LDB3: variants seen among roughly 807,000 people sequenced by gnomAD.
The protein encoded by LDB3 is LIM domain-binding protein 3.
LDB3 carries 49 observed loss-of-function variants against 69.0 expected under a neutral mutation model. The observed-to-expected ratio is 0.71, with a 90% confidence interval of 0.56 to 0.90. The LOEUF (loss-of-function observed/expected upper bound fraction) is 0.90. LDB3 is among the 40% of genes least tolerant of loss of function. The pLI is 0.00. For missense variants in LDB3, 928 were observed against 974.1 expected (o/e 0.95, Z 0.63); for synonymous variants, 387 against 396.2 (o/e 0.98, Z 0.28).
intron 7 of LDB3, among the ~76,000 whole-genome samples, chr10:86,704,576 A>AG (rs1846374937): frequency 7.7e-6 from 1 of 130,416 alleles, no homozygotes; most frequent in African/African-American, 3.4e-5. Context: ...CGCCCAGCTA[A>AG]ATTTTTTTTT....
intron 9 of LDB3, among the ~76,000 whole-genome samples, chr10:86,714,668 GCCTCAGC>G (rs567759047): frequency 3.4e-4 from 51 of 149,658 alleles, no homozygotes; most frequent in Admixed American, 1.2e-3. Flanking sequence ...CCATTCTCCT[GCCTCAGC>G]CTCCTGAGTA....
upstream of LDB3, chr10:86,666,877 G>A: frequency 2.1e-6 from 1 of 469,866 alleles, no homozygotes; most frequent in South Asian, 1.5e-5. Context: ...CCCTGGCCCT[G>A]AGGGTGGGTG....
rs1847536844 is a variant in LDB3 at position 86,733,234 on chromosome 10, C to T, written c.*258C>T. 2.2e-6 allele frequency: 1 copy of T among 447,644 alleles called. No homozygotes were observed. Among genetic ancestry groups the T allele is most frequent in the Non-Finnish European group, 4.1e-6 (1 of 241,104 alleles). The allele number at this position is 447,644 out of a possible 1,614,324, so 27.7% of individuals were successfully genotyped here. On this transcript the variant is annotated 3_prime_UTR_variant, in exon 14 of 14. Coordinates refer to ENST00000361373, the MANE Select transcript of LDB3 (RefSeq NM_007078.3). ...GGAATTGTACTTCAGACATTTAGAG[C>T]AGAATTCCAAGAACTCAAAAGTGAA... is the stretch of plus-strand genomic sequence containing the variant.
chr10:86,687,319 A>T lies in LDB3; in HGVS notation c.690-4577A>T, dbSNP rs116080654. On this transcript the variant is annotated intron_variant, in intron 5 of 13. Coordinates refer to ENST00000361373, the MANE Select transcript of LDB3 (RefSeq NM_007078.3). ...CGCCACTCAGTGCCTCCAGAGCCCG[A>T]GGGGTATGGGCCATTGGGCACCATC... 2.5e-3 allele frequency: 3,937 copies of T among 1,564,530 alleles called. 10 individuals are homozygous for T. Among genetic ancestry groups the T allele is most frequent in the Admixed American group, 6.2e-3 (372 of 59,922 alleles).
intron 5 of LDB3, 22 bp downstream of exon 5, chr10:86,681,825 C>T (rs895933043): frequency 1.3e-6 from 2 of 1,565,302 alleles, no homozygotes; most frequent in Admixed American, 3.9e-5. Flanking sequence ...ACATACAGCT[C>T]TCCACAGGTG....
intron 13 of LDB3, among the ~76,000 whole-genome samples, chr10:86,730,340 TCTGCCCCCCAGCAGGGATCTTCA>T (rs1381400971): frequency 6.6e-6 from 1 of 152,176 alleles, no homozygotes; most frequent in Non-Finnish European, 1.5e-5. Flanking sequence ...GGCTCCCAAT[TCTGCCCCCCAGCAGGGATCTTCA>T]CTGCCCTCTC....
At position 86,699,701 on chromosome 10, in the gene LDB3, C is replaced by G; in HGVS notation, c.897-6830C>G. ...AGGAGGGGTTTGCTGGCATAACACC[C>G]CAGAACCAAGGGAAATGGATGGGCC... On this transcript the variant is annotated intron_variant, in intron 7 of 13. Coordinates refer to ENST00000361373, the MANE Select transcript of LDB3 (RefSeq NM_007078.3). The surrounding 1 kb of genome is among the most constrained non-coding windows in gnomAD (Gnocchi z 4.9). 1 of 1,186,914 alleles carries G rather than the reference C, an allele frequency of 8.4e-7. No individual in the cohort carries two copies. The highest frequency in any genetic ancestry group is 2.0e-5 in the South Asian group (1 of 50,768). The allele number at this position is 1,186,914 out of a possible 1,614,324, so 73.5% of individuals were successfully genotyped here. A position where few individuals can be genotyped will look rare whatever the true frequency, so the allele number is the denominator to read the frequency against.
At position 86,716,754 on chromosome 10, in the gene LDB3, C is replaced by T; in HGVS notation, c.1659C>T (p.His553=). The T allele has an allele frequency of 6.2e-7, 1 of 1,611,162 alleles. No homozygotes were observed. Among genetic ancestry groups the T allele is most frequent in the Non-Finnish European group, 8.5e-7 (1 of 1,179,010 alleles). The part of the protein sequence containing the change: ...PASSRTPLCG[H]CNNVIRGPFL... ...GCAGCCGGACTCCACTCTGCGGTCA[C>T]TGCAACAATGTCATCCGGTATGGTC... The change falls in exon 10 of 14, where the codon CAC becomes CAT. Residue 553 remains histidine, a synonymous_variant. Transcript: ENST00000361373.
intron 5 of LDB3, chr10:86,685,716 C>T: frequency 6.2e-7 from 1 of 1,614,118 alleles, no homozygotes; most frequent in Non-Finnish European, 8.5e-7. Context: ...TATCAAAGGA[C>T]AGCATGTGTG....
chr10:86,668,075 C>A (rs1844250283), upstream of LDB3, among the ~76,000 whole-genome samples: 1 of 152,280 alleles, frequency 6.6e-6, no homozygotes, highest in South Asian at 2.1e-4. Context: ...GGCTGGACAA[C>A]CCTGGGCCAG....
intron 12 of LDB3, among the ~76,000 whole-genome samples, chr10:86,723,268 T>TAA (rs56259917): frequency 1.4e-3 from 68 of 49,116 alleles, no homozygotes; most frequent in South Asian, 2.7e-3. Context: ...AGACTCAATC[T>TAA]AAAAAAAAAA....
chr10:86,685,764 G>A, intron 5 of LDB3: 1 of 1,579,964 alleles, frequency 6.3e-7, no homozygotes, highest in East Asian at 2.2e-5. Flanking sequence ...GTCTGCGTGT[G>A]TCTGGCGTGG....
At chr10:86,672,593 G>A (rs901546624) in intron 2 of LDB3, among the ~76,000 whole-genome samples, 1 of 151,976 alleles carries the variant, frequency 6.6e-6, no homozygotes, top group Non-Finnish European at 1.5e-5. Context: ...GCAAGCCTCC[G>A]AGGGCTTCAG....
Position 86,732,938 on chromosome 10 carries a change from C to A in LDB3, c.2146C>A (p.Pro716Thr). Residue 716 changes from proline (P) to threonine (T), a missense_variant, in exon 14 of 14, where the codon CCC becomes ACC. Coordinates refer to ENST00000361373, the MANE Select transcript of LDB3 (RefSeq NM_007078.3). ...GCCGTTCTACTCCAAGAAGGACAGA[C>A]CCCTGTGCAAGAAGCACGCACACAC... ...GQPFYSKKDRPLCKKHAHTIN... is the reference protein window; with the variant it reads ...GQPFYSKKDRTLCKKHAHTIN... 1.2e-6 allele frequency: 2 copies of A among 1,613,938 alleles called. No individual in the cohort carries two copies. The highest frequency in any genetic ancestry group is 1.7e-6 in the Non-Finnish European group (2 of 1,179,934).
intron 10 of LDB3, among the ~76,000 whole-genome samples, chr10:86,717,419 A>G (rs1846918377): frequency 6.6e-6 from 1 of 152,214 alleles, no homozygotes; most frequent in African/African-American, 2.4e-5. Context: ...TCATAGTCCC[A>G]CTGTTCTGAC....
intron 13 of LDB3, 50 bp downstream of exon 13, chr10:86,726,302 G>A: frequency 6.8e-7 from 1 of 1,473,108 alleles, no homozygotes; most frequent in Non-Finnish European, 9.5e-7. Context: ...GCAGGAGGGA[G>A]GAAGTGGGAG....
chr10:86,699,407 C>A lies in LDB3; in HGVS notation c.896+6836C>A. On this transcript the variant is annotated intron_variant, in intron 7 of 13. Transcript: ENST00000361373. This position sits in a 1 kb window ranked among gnomAD's most constrained non-coding sequence, Gnocchi z 4.9. ...CCTGGAATCCCCCCACCCCAACAGG[C>A]TGGACTCCCTCCATCCTTACCCCCA... 6.2e-7 allele frequency: 1 copy of A among 1,613,134 alleles called. No homozygotes were observed. The highest frequency in any genetic ancestry group is 1.3e-5 in the African/African-American group (1 of 75,002).
At chr10:86,713,226 C>T (rs780592398) in intron 9 of LDB3, among the ~76,000 whole-genome samples, 17 of 152,106 alleles carry the variant, frequency 1.1e-4, no homozygotes, top group Non-Finnish European at 2.4e-4. Context: ...TTGGACACCG[C>T]AGGATTAGGG....
chr10:86,718,204 T>A lies in LDB3; in HGVS notation c.1857+60T>A. On this transcript the variant is annotated intron_variant, in intron 11 of 13. Coordinates refer to ENST00000361373, the MANE Select transcript of LDB3 (RefSeq NM_007078.3). The stretch of plus-strand genomic sequence containing the variant: ...TCTCTTCCCCAGCCCTTCCCCAAGA[T>A]CGTGGGATCCCATTAGGAAGCCAAG... The A allele has an allele frequency of 3.3e-6, 5 of 1,527,962 alleles. No individual in the cohort carries two copies. In the South Asian group the frequency reaches 5.6e-5, roughly 17 times the overall value. 94.7% of individuals were successfully genotyped at this position (1,527,962 alleles called of 1,614,324 possible).
Sources: gnomAD v4.1 joint callset for allele counts (sites outside exome capture counted in the v4.1 genomes callset) on GRCh38, gnomAD v4.1.1 for gene constraint, Gnocchi (gnomAD v3.1) non-coding constraint, MANE v1.5 for transcripts, NCBI Gene and HGNC (gene_info 2026-07-23, HGNC 2026-07-21) for gene names.